MYRF: variants seen among roughly 807,000 people sequenced by gnomAD.
MYRF encodes the protein myelin gene regulatory factor.
MYRF carries 16 observed loss-of-function variants against 126.3 expected under a neutral mutation model. The observed-to-expected ratio is 0.13, with a 90% confidence interval of 0.09 to 0.19. The LOEUF is 0.19. Among genes scored for constraint, MYRF ranks in the 10% least tolerant of loss-of-function variants. The pLI is 1.00. For missense variants in MYRF, 1,104 were observed against 1,547.0 expected (o/e 0.71, Z 4.80); for synonymous variants, 608 against 635.3 (o/e 0.96, Z 0.65).
Position 61,780,717 on chromosome 11 carries a change from T to C in MYRF, c.2411T>C (p.Phe804Ser). Residue 804 changes from phenylalanine to serine, a missense_variant, in exon 19 of 27, where the codon TTT (phenylalanine) becomes TCT (serine). This residue lies in a region of MYRF where 323 missense variants were observed against 383.1 expected (regional missense o/e 0.84). Coordinates refer to ENST00000278836, the MANE Select transcript of MYRF (RefSeq NM_001127392.3). ...EEDLVDTDGSFAVSTSCLLAL... is the reference protein window; with the variant it reads ...EEDLVDTDGSSAVSTSCLLAL... Reference sequence around the variant, plus strand: ...GCCTTTTTGCTGCCCCTTAGCTCTTTTGCCGTGTCCACTTCCTGTCTCCTG... The same window carrying C: ...GCCTTTTTGCTGCCCCTTAGCTCTTCTGCCGTGTCCACTTCCTGTCTCCTG... 6.5e-7 allele frequency: 1 copy of C among 1,550,010 alleles called. No individual in the cohort carries two copies. Among genetic ancestry groups the C allele is most frequent in the African/African-American group, 1.4e-5 (1 of 73,180 alleles).
rs1381654096 is a variant in MYRF, at chr11:61,781,121, G to C, written c.2573-17G>C. ...CTTTGGGGCTTCTCTGGCTCATACA[G>C]CCTCTGGCCTCCTCAGTGACCACCA... On this transcript the variant is annotated splice_polypyrimidine_tract_variant and intron_variant, in intron 20 of 26. Coordinates refer to ENST00000278836, the MANE Select transcript of MYRF (RefSeq NM_001127392.3). The C allele has an allele frequency of 6.2e-7, 1 of 1,612,608 alleles. No individual in the cohort carries two copies. Among genetic ancestry groups the C allele is most frequent in the Admixed American group, 1.7e-5 (1 of 60,014 alleles).
intron 16 of MYRF, 25 bp from the exon 17 acceptor site, chr11:61,779,817 T>G: frequency 6.2e-7 from 1 of 1,609,008 alleles, no homozygotes; most frequent in Non-Finnish European, 8.5e-7. Context: ...CTCTTTGCAT[T>G]TGCACTTTTC....
intron 22 of MYRF, chr11:61,782,471 A>C (rs959113891): frequency 1.3e-5 from 2 of 152,184 alleles, no homozygotes; most frequent in Non-Finnish European, 2.9e-5. Context: ...CATGGGGGAG[A>C]TGTTTGCCAG....
In MYRF at chr11:61,755,426, G is replaced by T. The variant is rs933492369; in HGVS notation, c.46+2636G>T. On this transcript the variant is annotated intron_variant, in intron 1 of 26. Coordinates refer to ENST00000278836, the MANE Select transcript of MYRF (RefSeq NM_001127392.3). ...AGAGAGGGGACCCACCGGGCAGGAT[G>T]CACTGGCTTCCAGCAGGTAACCGGG... 3.1e-6 allele frequency: 5 copies of T among 1,610,276 alleles called. No individual in the cohort carries two copies. The African/African-American group carries it at 4.0e-5, about 13-fold the overall frequency.
rs1438399473 is a variant in MYRF at position 61,787,135 on chromosome 11, A to C, written c.*992A>C. On this transcript the variant is annotated 3_prime_UTR_variant, in exon 27 of 27. Coordinates refer to ENST00000278836, the MANE Select transcript of MYRF (RefSeq NM_001127392.3). ...TAGCTTTTGCTGTTATTAATGAAGT[A>C]ATTACTAAATGCACTTAAACCAGGG... The C allele has an allele frequency of 1.3e-5, 2 of 152,708 alleles. No individual in the cohort carries two copies. Among genetic ancestry groups the C allele is most frequent in the African/African-American group, 4.8e-5 (2 of 41,420 alleles). 9.5% of individuals were successfully genotyped at this position (152,708 alleles called of 1,614,324 possible). A position where few individuals can be genotyped will look rare whatever the true frequency, so the allele number is the denominator to read the frequency against.
In MYRF at chr11:61,783,522, C is replaced by T. The variant is rs1189255290; in HGVS notation, c.3041C>T (p.Pro1014Leu). The change falls in exon 23 of 27, where the codon CCC becomes CTC. Residue 1014 changes from proline (P) to leucine (L), a missense_variant. Physicochemically the swap from Pro to Leu is moderately conservative, Grantham distance 98. Transcript: ENST00000278836. The surrounding 1 kb of genome is among the most constrained non-coding windows in gnomAD (Gnocchi z 4.6). ...GCCTCTCTCCTTGCAGAGCCAGTGC[C>T]CTCCCTGACCTCCATCCAGGTGCTG... ...QSASLLAEPV[P>L]SLTSIQVLEN... The T allele has an allele frequency of 1.2e-6, 2 of 1,613,808 alleles. No homozygotes were observed. Among genetic ancestry groups the T allele is most frequent in the Non-Finnish European group, 1.7e-6 (2 of 1,179,972 alleles).
At chr11:61,756,572 G>A (rs1311937501) in intron 1 of MYRF, among the ~76,000 whole-genome samples, 4 of 151,708 alleles carry the variant, frequency 2.6e-5, no homozygotes, top group Non-Finnish European at 5.9e-5. Context: ...AATGGTAGTA[G>A]GGGGTCTGAC....
At chr11:61,782,081 A>C in intron 22 of MYRF, 1 of 447,842 alleles carries the variant, frequency 2.2e-6, no homozygotes, top group Non-Finnish European at 3.9e-6. Flanking sequence ...ACTAAGGTGA[A>C]GTGACCTGCC....
At position 61,778,769 on chromosome 11, in the gene MYRF, TA is replaced by T. The variant is rs1382220794; in HGVS notation, c.2013+282del. 16 of 603,352 alleles carry T rather than the reference TA, an allele frequency of 2.7e-5. No homozygotes were observed. The highest frequency in any genetic ancestry group is 5.0e-5 in the Non-Finnish European group (16 of 321,882). The allele number at this position is 603,352 out of a possible 1,614,324, so 37.4% of individuals were successfully genotyped here. On this transcript the variant is annotated intron_variant, in intron 14 of 26. Transcript: ENST00000278836. The surrounding 1 kb of genome is among the most constrained non-coding windows in gnomAD (Gnocchi z 4.6). ...TCCACCCCCGGTAAAATGAGGGCGG[TA>T]ATAGAACTGCACAGACATCCTCGTA...
Position 61,777,344 on chromosome 11 carries a change from C to T in MYRF, c.1671C>T (p.His557=), listed in dbSNP as rs962647619. Residue 557 remains histidine (H), a synonymous_variant, in exon 12 of 27, where the codon CAC becomes CAT. Coordinates refer to ENST00000278836, the MANE Select transcript of MYRF (RefSeq NM_001127392.3). The surrounding 1 kb of genome is among the most constrained non-coding windows in gnomAD (Gnocchi z 8.8). ...AGGTGCCCGACACCGTCTTCCACCA[C>T]GGCCGCGTGGGCATCAACACAGACC... ...RAQVPDTVFH[H]GRVGINTDRP... is the part of the protein sequence containing the mutation. 4 of 1,613,746 alleles carry T rather than the reference C, an allele frequency of 2.5e-6. No homozygotes were observed. The highest frequency in any genetic ancestry group is 3.4e-6 in the Non-Finnish European group (4 of 1,180,036).
In MYRF at chr11:61,778,351, C is replaced by A. The variant is rs1350520150; in HGVS notation, c.1904-29C>A. 1 of 1,467,732 alleles carries A rather than the reference C, an allele frequency of 6.8e-7. No homozygotes were observed. The highest frequency in any genetic ancestry group is 9.6e-7 in the Non-Finnish European group (1 of 1,046,936). 90.9% of individuals were successfully genotyped at this position (1,467,732 alleles called of 1,614,324 possible). ...TGAGTAGCCCTTTACCACCCCCCCA[C>A]CCATCTTTGGCTTGTCCCCTGCCCC... is the stretch of plus-strand genomic sequence containing the variant. On this transcript the variant is annotated intron_variant, in intron 13 of 26. Coordinates refer to ENST00000278836, the MANE Select transcript of MYRF (RefSeq NM_001127392.3). The surrounding 1 kb of genome is among the most constrained non-coding windows in gnomAD (Gnocchi z 4.6).
At chr11:61,764,465 C>T (rs2065996019) in intron 1 of MYRF, among the ~76,000 whole-genome samples, 1 of 152,220 alleles carries the variant, frequency 6.6e-6, no homozygotes, top group South Asian at 2.1e-4. Context: ...GTGACCTGCC[C>T]AAGGTCACTC....
chr11:61,755,353 C>CCCCTAGAGAGAGGCAAGGCAG (rs2065720397), intron 1 of MYRF: 1 of 1,598,182 alleles, frequency 6.3e-7, no homozygotes, highest in Non-Finnish European at 8.5e-7. Flanking sequence ...CCCGGCTAAT[C>CCCCTAGAGAGAGGCAAGGCAG]CCCTAGAGAG....
intron 25 of MYRF, 32 bp downstream of exon 25, chr11:61,784,417 A>T: frequency 6.4e-7 from 1 of 1,569,972 alleles, no homozygotes; most frequent in Non-Finnish European, 8.7e-7. Flanking sequence ...CGGGCCGGCC[A>T]GGCCCGAGCT....
intron 1 of MYRF, among the ~76,000 whole-genome samples, chr11:61,761,935 G>A (rs915058797): frequency 4.6e-5 from 7 of 152,248 alleles, no homozygotes; most frequent in African/African-American, 1.4e-4. Flanking sequence ...GGCGGGTGGT[G>A]GACAGACACT....
At chr11:61,760,572 A>G (rs1219616000) in intron 1 of MYRF, among the ~76,000 whole-genome samples, 1 of 152,138 alleles carries the variant, frequency 6.6e-6, no homozygotes, top group Non-Finnish European at 1.5e-5. Context: ...GAGGCTCTGG[A>G]GCACGTGTGC....
chr11:61,767,261 G>A (rs1436238633), intron 3 of MYRF: 7 of 456,766 alleles, frequency 1.5e-5, no homozygotes, highest in South Asian at 7.7e-5. Context: ...GCCCCTGGGG[G>A]CAGAGGGAGG....
rs1479262848 is a variant in MYRF at position 61,774,178 on chromosome 11, A to T, written c.1311+16A>T. 9 of 1,587,548 alleles carry T rather than the reference A, an allele frequency of 5.7e-6. No homozygotes were observed. The African/African-American group carries it at 1.2e-4, about 21-fold the overall frequency. ...CGGAGTGAAGGCAAGTTTGGGGCTC[A>T]GCAAGGAAGGGAGGGCAGGAGGGCC... On this transcript the variant is annotated intron_variant, in intron 8 of 26. Coordinates refer to ENST00000278836, the MANE Select transcript of MYRF (RefSeq NM_001127392.3).
intron 1 of MYRF, 27 bp downstream of exon 1, chr11:61,752,817 G>T (rs1344330938): frequency 1.0e-5 from 15 of 1,483,262 alleles, no homozygotes; most frequent in African/African-American, 1.5e-5. Flanking sequence ...TGGCGGCGGC[G>T]ACCCTCTGGC....
Sources: gnomAD v4.1 joint callset for allele counts (sites outside exome capture counted in the v4.1 genomes callset) on GRCh38, gnomAD v4.1.1 for gene constraint, gnomAD v4.1.1 regional missense constraint, Gnocchi (gnomAD v3.1) non-coding constraint, MANE v1.5 for transcripts, NCBI Gene and HGNC (gene_info 2026-07-23, HGNC 2026-07-21) for gene names.